SCYL2: variants seen among roughly 807,000 people sequenced by gnomAD.
SCYL2 encodes SCY1 like pseudokinase 2, also known as SCY1-like protein 2.
A neutral mutation model predicts 100.4 loss-of-function variants in SCYL2; 36 were observed. The observed-to-expected ratio is 0.36, with a 90% CI of 0.27 to 0.47. SCYL2 has a LOEUF of 0.47. Ranked by LOEUF, SCYL2 falls within the 20% of genes least tolerant of loss-of-function variation. The probability of loss-of-function intolerance (pLI) is 1.00; values close to 1 mark genes in which losing one functional copy is unlikely to be tolerated. For synonymous variants in SCYL2, 330 were observed against 359.2 expected, an observed-to-expected ratio of 0.92 and a Z score of 0.92; for missense variants, 902 against 1,083.9, an observed-to-expected ratio of 0.83 and a Z score of 2.36.
At chr12:100,328,865 T>C (rs1952171553) in intron 12 of SCYL2, among the ~76,000 whole-genome samples, 1 of 152,222 alleles carries the variant, frequency 6.6e-6, no homozygotes. Context: ...AATATATATT[T>C]AGATGTTTCA....
intron 2 of SCYL2, 151 bp from the exon 3 acceptor site, chr12:100,291,352 C>A: frequency 1.8e-6 from 1 of 548,814 alleles, no homozygotes; most frequent in Non-Finnish European, 3.2e-6. Flanking sequence ...TTTAGATTTA[C>A]TATCATAAGG....
chr12:100,276,019 C>T (rs1474518613), intron 1 of SCYL2, among the ~76,000 whole-genome samples: 4 of 151,994 alleles, frequency 2.6e-5, no homozygotes, highest in East Asian at 1.9e-4. Flanking sequence ...TGAAGTGAAC[C>T]CCATTTGGTC....
chr12:100,282,615 A>G (rs555195892), intron 1 of SCYL2, among the ~76,000 whole-genome samples: 6 of 152,232 alleles, frequency 3.9e-5, no homozygotes, highest in Admixed American at 2.0e-4. Flanking sequence ...GTGAGCCACC[A>G]TGCCCATCCC....
At chr12:100,277,054 T>G (rs1443953483) in intron 1 of SCYL2, among the ~76,000 whole-genome samples, 1 of 152,206 alleles carries the variant, frequency 6.6e-6, no homozygotes, top group Non-Finnish European at 1.5e-5. Flanking sequence ...TTTCTATATA[T>G]TTTAATCTAT....
intron 1 of SCYL2, among the ~76,000 whole-genome samples, chr12:100,275,368 AT>A (rs1336166873): frequency 2.6e-5 from 4 of 152,038 alleles, no homozygotes; most frequent in Non-Finnish European, 5.9e-5. Context: ...CTCCTGGCTA[AT>A]TTTTAAAAAC....
At chr12:100,326,596 C>T in intron 11 of SCYL2, 26 bp from the exon 12 acceptor site, 1 of 1,534,442 alleles carries the variant, frequency 6.5e-7, no homozygotes, top group Non-Finnish European at 8.8e-7. Context: ...CTTTTAATGA[C>T]TAATGCAATT....
At chr12:100,287,446 G>A (rs1220704024) in intron 2 of SCYL2, among the ~76,000 whole-genome samples, 1 of 152,080 alleles carries the variant, frequency 6.6e-6, no homozygotes, top group African/African-American at 2.4e-5. Context: ...GACGTGTGCC[G>A]CCATGCCTGG....
intron 4 of SCYL2, among the ~76,000 whole-genome samples, chr12:100,303,067 TCACGAAGTTCTCATG>T (rs1357309823): frequency 1.3e-5 from 2 of 152,120 alleles, no homozygotes; most frequent in East Asian, 1.9e-4. Context: ...TGTGTATGCT[TCACGAAGTTCTCATG>T]CTGTGTTTTT....
At chr12:100,307,737 T>C (rs553991641) in intron 4 of SCYL2, among the ~76,000 whole-genome samples, 7 of 152,268 alleles carry the variant, frequency 4.6e-5, no homozygotes, top group Admixed American at 4.6e-4. Context: ...AATTTTGCAA[T>C]CTATCCATCT....
intron 14 of SCYL2, 97 bp from the exon 15 acceptor site, chr12:100,335,528 G>A (rs1165386937): frequency 3.7e-6 from 3 of 819,872 alleles, no homozygotes; most frequent in African/African-American, 3.5e-5. Flanking sequence ...TTTAATTGGG[G>A]TCTAATAAAT....
At chr12:100,334,300 G>C (rs375598488) in intron 14 of SCYL2, 34 bp downstream of exon 14, 2 of 1,185,424 alleles carry the variant, frequency 1.7e-6, no homozygotes, top group Non-Finnish European at 2.5e-6. Context: ...TATGTGGTCC[G>C]GGAGTGAAAT....
intron 1 of SCYL2, 139 bp from the exon 2 acceptor site, chr12:100,282,804 A>G (rs888760272): frequency 3.7e-5 from 15 of 407,984 alleles, no homozygotes; most frequent in Admixed American, 8.9e-5. Context: ...CTGAAGATAA[A>G]ACCAACATAC....
At chr12:100,305,120 T>A (rs2096332687) in intron 4 of SCYL2, among the ~76,000 whole-genome samples, 1 of 152,150 alleles carries the variant, frequency 6.6e-6, no homozygotes, top group Admixed American at 6.6e-5. Context: ...ACAAGGATAT[T>A]CAGGACTTGA....
rs1273142816 is a variant in SCYL2, at chr12:100,335,876, A to G, written c.1995A>G (p.Lys665=). The change falls in exon 16 of 18, where the codon AAA becomes AAG. Residue 665 remains lysine, a synonymous_variant. Transcript: ENST00000360820. The part of the protein sequence containing the change: ...DLLTGSESEN[K]EDGLQNKHKR... Reference sequence around the variant, plus strand: ...TGACTGGCAGTGAGTCCGAAAATAAAGAGGACGGGTTACAGAATAAACATA... The same window carrying G: ...TGACTGGCAGTGAGTCCGAAAATAAGGAGGACGGGTTACAGAATAAACATA... 1 of 1,613,092 alleles carries G rather than the reference A, an allele frequency of 6.2e-7. No homozygotes were observed. Among genetic ancestry groups the G allele is most frequent in the African/African-American group, 1.3e-5 (1 of 74,896 alleles).
Position 100,309,143 on chromosome 12 carries a change from T to C in SCYL2, c.481-1901T>C, listed in dbSNP as rs1046210966. On this transcript the variant is annotated intron_variant, in intron 4 of 17. Coordinates refer to ENST00000360820, the MANE Select transcript of SCYL2 (RefSeq NM_017988.6). ...GTGTGTGTGTGTGTGTGCGCGCGCG[T>C]GTGTGCAGCTAGTTTTTAAAATTTG... 2.2e-3 allele frequency among the ~76,000 whole-genome samples: 315 copies of C among 145,672 alleles called. 4 individuals are homozygous for C. Among genetic ancestry groups the C allele is most frequent in the Non-Finnish European group, 2.3e-4 (15 of 65,128 alleles).
In SCYL2 at chr12:100,315,698, A is replaced by G. The variant is rs1395296352; in HGVS notation, c.1236A>G (p.Glu412=). Residue 412 remains glutamate, a synonymous_variant, in exon 9 of 18, where the codon GAA becomes GAG. Coordinates refer to ENST00000360820, the MANE Select transcript of SCYL2 (RefSeq NM_017988.6). The part of the protein sequence containing the change: ...KEEYVKLILP[E]LGPVFKQQEP... Reference sequence around the variant, plus strand: ...AATATGTCAAATTAATTCTTCCTGAACTTGGCCCTGTGTTTAAGCAGCAGG... The same window carrying G: ...AATATGTCAAATTAATTCTTCCTGAGCTTGGCCCTGTGTTTAAGCAGCAGG... 4 of 1,611,260 alleles carry G rather than the reference A, an allele frequency of 2.5e-6. No individual in the cohort carries two copies. In the East Asian group the frequency reaches 8.9e-5, roughly 36 times the overall value.
chr12:100,304,716 G>A (rs531121922), intron 4 of SCYL2, among the ~76,000 whole-genome samples: 72 of 152,166 alleles, frequency 4.7e-4, no homozygotes, highest in African/African-American at 1.7e-3. Flanking sequence ...CAAATTGGAT[G>A]AAGAGTCAAG....
intron 5 of SCYL2, among the ~76,000 whole-genome samples, chr12:100,311,791 T>C (rs2096342510): frequency 6.6e-6 from 1 of 152,208 alleles, no homozygotes; most frequent in South Asian, 2.1e-4. Context: ...AGAGAAACAC[T>C]GTATTAAATC....
In SCYL2 at chr12:100,315,622, C is replaced by T. The variant is rs2096347696; in HGVS notation, c.1160C>T (p.Pro387Leu). Residue 387 changes from proline to leucine, a missense_variant, in exon 9 of 18, where the codon CCT becomes CTT. Coordinates refer to ENST00000360820, the MANE Select transcript of SCYL2 (RefSeq NM_017988.6). The stretch of plus-strand genomic sequence containing the variant: ...GAATTTGTAAACCCTGACATGGTAC[C>T]TTTTGTTTTGCCCAATGTTCTACTT... Reference protein sequence around the residue: ...TSEFVNPDMVPFVLPNVLLIA... With the variant: ...TSEFVNPDMVLFVLPNVLLIA... The T allele has an allele frequency of 6.2e-7, 1 of 1,611,306 alleles. No homozygotes were observed. Among genetic ancestry groups the T allele is most frequent in the Non-Finnish European group, 8.5e-7 (1 of 1,178,478 alleles).
Sources: gnomAD v4.1 joint callset for allele counts (sites outside exome capture counted in the v4.1 genomes callset) on GRCh38, gnomAD v4.1.1 for gene constraint, MANE v1.5 for transcripts, NCBI Gene and HGNC (gene_info 2026-07-23, HGNC 2026-07-21) for gene names.